AHRR: variants seen among roughly 807,000 people sequenced by gnomAD.
AHRR encodes ahR repressor.
Under a neutral mutation model 44.0 loss-of-function variants are expected in AHRR, and 28 were observed. The ratio of observed to expected loss-of-function variants is 0.64; its 90% CI spans 0.47 to 0.87. The LOEUF (loss-of-function observed/expected upper bound fraction) is 0.87, where lower values mean the gene tolerates loss of function less well. AHRR is among the 40% of genes least tolerant of loss of function. The pLI is 0.00. For synonymous variants in AHRR, 434 were observed against 407.0 expected, an observed-to-expected ratio of 1.07 and a Z score of -0.80; for missense variants, 990 against 953.9, an observed-to-expected ratio of 1.04 and a Z score of -0.50.
Position 326,856 on chromosome 5 carries a change from C to T in AHRR, c.-11+5037C>T, listed in dbSNP as rs1190307679. ...GGCGGATCACTTGAGGTCGGGAGTTCGAGACCAGCCTGACCAATATGGTGA... is the reference window on the plus strand; with the variant it reads ...GGCGGATCACTTGAGGTCGGGAGTTTGAGACCAGCCTGACCAATATGGTGA... On this transcript the variant is annotated intron_variant, in intron 1 of 10. Coordinates refer to ENST00000684583, the MANE Select transcript of AHRR (RefSeq NM_001377236.1). The surrounding 1 kb of genome is among the most constrained non-coding windows in gnomAD (Gnocchi z 4.1). Among the ~76,000 whole-genome samples the T allele has an allele frequency of 1.3e-5, 2 of 152,078 alleles. No individual in the cohort carries two copies. Among genetic ancestry groups the T allele is most frequent in the African/African-American group, 2.4e-5 (1 of 41,396 alleles).
intron 3 of AHRR, among the ~76,000 whole-genome samples, chr5:366,324 G>A (rs1743360038): frequency 6.6e-6 from 1 of 152,082 alleles, no homozygotes; most frequent in South Asian, 2.1e-4. Flanking sequence ...GTCTTGAAGG[G>A]GCTCCCGCTG....
chr5:349,959 C>T (rs143442771), intron 2 of AHRR, among the ~76,000 whole-genome samples: 85 of 152,314 alleles, frequency 5.6e-4, no homozygotes, highest in African/African-American at 2.0e-3. Flanking sequence ...TCTAGACTCA[C>T]ACCATTCTTT....
intron 4 of AHRR, among the ~76,000 whole-genome samples, chr5:389,165 G>A (rs1465358789): frequency 3.3e-5 from 5 of 151,642 alleles, no homozygotes; most frequent in South Asian, 2.1e-4. Context: ...AGGGGAGCCC[G>A]GGGGCCCAGT....
chr5:350,722 C>T (rs546850859), intron 2 of AHRR, among the ~76,000 whole-genome samples: 33 of 151,834 alleles, frequency 2.2e-4, no homozygotes, highest in African/African-American at 5.3e-4. Context: ...CCAATTCTCC[C>T]GCCTATTTAC....
At position 423,971 on chromosome 5, in the gene AHRR, C is replaced by A. The variant is rs778517783; in HGVS notation, c.702C>A (p.Gly234=). The change falls in exon 7 of 11, where the codon GGC becomes GGA. Residue 234 remains glycine, a synonymous_variant. Transcript: ENST00000684583. ...GCTGCCTGCTGGACAGCACCTCGGG[C>A]TTCCTGGTGAGTGCGTGGGTCCCTG... is the stretch of plus-strand genomic sequence containing the variant. ...RVRCLLDSTS[G]FLTMQFQGKL... The A allele has an allele frequency of 2.3e-5, 37 of 1,598,946 alleles. No individual in the cohort carries two copies. Among genetic ancestry groups the A allele is most frequent in the Non-Finnish European group, 3.0e-5 (35 of 1,179,108 alleles).
chr5:354,891 TGG>T (rs1742987300), intron 3 of AHRR, among the ~76,000 whole-genome samples: 1 of 152,160 alleles, frequency 6.6e-6, no homozygotes, highest in Admixed American at 6.5e-5. Context: ...ACGTGGCCCA[TGG>T]GCTGCGGGAA....
Position 432,540 on chromosome 5 carries a change from C to T in AHRR, c.970+16C>T, listed in dbSNP as rs1736778096. The T allele has an allele frequency of 1.2e-6, 2 of 1,610,524 alleles. No individual in the cohort carries two copies. Among genetic ancestry groups the T allele is most frequent in the South Asian group, 2.2e-5 (2 of 91,020 alleles). Reference sequence around the variant, plus strand: ...TACTCAGCAGGTACTTAGAACATTTCTTATCTGATCTTTTCCACATGGGTA... The same window carrying T: ...TACTCAGCAGGTACTTAGAACATTTTTTATCTGATCTTTTCCACATGGGTA... On this transcript the variant is annotated intron_variant, in intron 9 of 10. Transcript: ENST00000684583.
Position 404,179 on chromosome 5 carries a change from A to C in AHRR, c.352-9165A>C. 2 of 537,444 alleles carry C rather than the reference A, an allele frequency of 3.7e-6. No individual in the cohort carries two copies. Among genetic ancestry groups the C allele is most frequent in the South Asian group, 3.2e-5 (2 of 61,990 alleles). 33.3% of individuals were successfully genotyped at this position (537,444 alleles called of 1,614,324 possible). ...CTGGTGGGTCTGCATTCCTGTCACG[A>C]GCTGGTCTTCTGCAGCCTTTGAACC... On this transcript the variant is annotated intron_variant, in intron 4 of 10. Transcript: ENST00000684583. The surrounding 1 kb of genome is among the most constrained non-coding windows in gnomAD (Gnocchi z 4.1).
chr5:362,893 C>A (rs1344766018), intron 3 of AHRR, among the ~76,000 whole-genome samples: 1 of 152,228 alleles, frequency 6.6e-6, no homozygotes, highest in Non-Finnish European at 1.5e-5. Flanking sequence ...TGATTTTTCT[C>A]ATGTCTGCCC....
rs755775931 is a variant in AHRR at position 342,450 on chromosome 5, T to G, written c.-10-1443T>G. On this transcript the variant is annotated intron_variant, in intron 1 of 10. Coordinates refer to ENST00000684583, the MANE Select transcript of AHRR (RefSeq NM_001377236.1). This position sits in a 1 kb window ranked among gnomAD's most constrained non-coding sequence, Gnocchi z 4.3. ...TGGTGATATTCCTTGTTCTGAAGTC[T>G]TCTTTGTCTGGGACTCATACAGCTG... Among the ~76,000 whole-genome samples, 232 of 152,358 alleles carry G rather than the reference T, an allele frequency of 1.5e-3. No individual in the cohort carries two copies. Among genetic ancestry groups the G allele is most frequent in the Middle Eastern group, 3.4e-3 (1 of 294 alleles).
chr5:367,554 G>A (rs932920198), intron 3 of AHRR, among the ~76,000 whole-genome samples: 1 of 152,190 alleles, frequency 6.6e-6, no homozygotes, highest in African/African-American at 2.4e-5. Flanking sequence ...ATATGGCAGC[G>A]CCAGGCAGTG....
At position 413,431 on chromosome 5, in the gene AHRR, C is replaced by A. The variant is rs1056621674; in HGVS notation, c.439C>A (p.Gln147Lys). The A allele has an allele frequency of 1.9e-6, 3 of 1,610,316 alleles. No homozygotes were observed. Among genetic ancestry groups the A allele is most frequent in the African/African-American group, 2.7e-5 (2 of 74,716 alleles). Residue 147 changes from glutamine to lysine, a missense_variant and splice_region_variant, in exon 5 of 11, where the codon CAG becomes AAG. Physicochemically the swap from Gln to Lys is moderately conservative, Grantham distance 53. Coordinates refer to ENST00000684583, the MANE Select transcript of AHRR (RefSeq NM_001377236.1). ...GATCGTGGACTATCTGGGCTTCCAT[C>A]AGGTAAATGAAACCAGAATAGCCCT... ...ATIVDYLGFH[Q>K]TDVMHQNIYD...
chr5:363,589 A>G (rs1298764036), intron 3 of AHRR, among the ~76,000 whole-genome samples: 1 of 152,170 alleles, frequency 6.6e-6, no homozygotes, highest in East Asian at 1.9e-4. Flanking sequence ...TTATTTCCAC[A>G]TGCAGCCTAG....
At chr5:350,423 G>A (rs1052314168) in intron 2 of AHRR, among the ~76,000 whole-genome samples, 1 of 152,164 alleles carries the variant, frequency 6.6e-6, no homozygotes, top group Non-Finnish European at 1.5e-5. Context: ...ATCCTCCTGC[G>A]AGTCTCCTCT....
rs184167377 is a variant in AHRR, at chr5:434,991, G to A, written c.*157G>A. ...CTGCTAGTGTGTGTGTGCAGCATAC[G>A]CAGGAGCCTATCCTGAATTTTGTAA... On this transcript the variant is annotated 3_prime_UTR_variant, in exon 11 of 11. Transcript: ENST00000684583. 1.4e-4 allele frequency: 147 copies of A among 1,069,880 alleles called. 1 individual carries two copies. In the African/African-American group the frequency reaches 2.0e-3, roughly 15 times the overall value. The allele number at this position is 1,069,880 out of a possible 1,614,324, so 66.3% of individuals were successfully genotyped here. A position where few individuals can be genotyped will look rare whatever the true frequency, so the allele number is the denominator to read the frequency against.
chr5:348,361 T>G (rs1365563552), intron 2 of AHRR, among the ~76,000 whole-genome samples: 3 of 152,030 alleles, frequency 2.0e-5, no homozygotes, highest in African/African-American at 7.2e-5. Flanking sequence ...TTTTGATGTT[T>G]ATTGAGTATA....
At chr5:365,187 C>T (rs1036109639) in intron 3 of AHRR, among the ~76,000 whole-genome samples, 4 of 151,618 alleles carry the variant, frequency 2.6e-5, no homozygotes, top group Non-Finnish European at 4.4e-5. Flanking sequence ...TACCCCCAAA[C>T]TACAGAATTC....
intron 1 of AHRR, among the ~76,000 whole-genome samples, chr5:340,688 A>ATT (rs539789608): frequency 2.3e-4 from 3 of 12,926 alleles, no homozygotes; most frequent in East Asian, 3.5e-3. Context: ...ATATATATAT[A>ATT]TTTTTTTTTT....
chr5:376,562 C>CGCGGGGAAA, intron 3 of AHRR, 48 bp from the exon 4 acceptor site: 1 of 195,700 alleles, frequency 5.1e-6, no homozygotes, highest in Non-Finnish European at 9.1e-6. Flanking sequence ...AGAAGAGTGG[C>CGCGGGGAAA]CAGGCCAAGG....
Sources: allele counts gnomAD v4.1 joint callset (sites outside exome capture counted in the v4.1 genomes callset), GRCh38; gene constraint gnomAD v4.1.1; non-coding constraint Gnocchi (gnomAD v3.1); transcripts MANE v1.5; gene names NCBI Gene and HGNC (gene_info 2026-07-23, HGNC 2026-07-21).